The following TNFAIP8L3 variants were observed in gnomAD, a reference collection of about 807,000 sequenced individuals.
The protein encoded by TNFAIP8L3 is tumor necrosis factor alpha-induced protein 8-like protein 3.
In TNFAIP8L3, 7 loss-of-function variants were observed where a neutral mutation model predicts 11.8. That is an observed-to-expected ratio of 0.59 (90% CI 0.34 to 1.11). The LOEUF (loss-of-function observed/expected upper bound fraction) is 1.11, where lower values mean the gene tolerates loss of function less well. TNFAIP8L3 is among the 50% of genes most tolerant of loss of function. TNFAIP8L3 has a pLI of 0.03. For synonymous variants in TNFAIP8L3, 98 were observed against 103.8 expected (o/e 0.94, Z 0.34); for missense variants, 219 against 258.6 (o/e 0.85, Z 1.05).
At chr15:51,099,460 G>A (rs1444959248), upstream of TNFAIP8L3, among the ~76,000 whole-genome samples, 40 of 152,132 alleles carry the variant, frequency 2.6e-4, 1 homozygote, top group Admixed American at 2.6e-3. Flanking sequence ...AGGGAGAAGA[G>A]AAAGAGAGAG....
chr15:51,103,110 G>T (rs1260716444), intron 1 of TNFAIP8L3, among the ~76,000 whole-genome samples: 1 of 151,070 alleles, frequency 6.6e-6, no homozygotes, highest in African/African-American at 2.4e-5. Flanking sequence ...TTTCTTTCCC[G>T]CCAAGTCTTC....
chr15:51,092,440 A>C (rs2065478297), intron 1 of TNFAIP8L3, among the ~76,000 whole-genome samples: 1 of 152,256 alleles, frequency 6.6e-6, no homozygotes, highest in Non-Finnish European at 1.5e-5. Flanking sequence ...GTGAATTAAC[A>C]TCCAGCTTTG....
intron 1 of TNFAIP8L3, among the ~76,000 whole-genome samples, chr15:51,076,757 C>T (rs2065353329): frequency 6.6e-6 from 1 of 152,170 alleles, no homozygotes; most frequent in Admixed American, 6.5e-5. Flanking sequence ...CTGCCCCTGC[C>T]ACCCCCAGCG....
rs150538364 is a variant in TNFAIP8L3 at position 51,081,979 on chromosome 15, T to A, written c.52+12565A>T. ...CTTGCAAATAATAAGAAAAGATGGC[T>A]CCTTCATAAAGGCACTAAATAAGGG... On this transcript the variant is annotated intron_variant, in intron 1 of 1. Transcript: ENST00000637513. Among the ~76,000 whole-genome samples, 69 of 152,174 alleles carry A rather than the reference T, an allele frequency of 4.5e-4. 1 individual carries two copies. Among genetic ancestry groups the A allele is most frequent in the African/African-American group, 1.6e-3 (66 of 41,510 alleles).
intron 1 of TNFAIP8L3, among the ~76,000 whole-genome samples, chr15:51,082,271 G>A (rs149864358): frequency 5.0e-4 from 76 of 152,244 alleles, no homozygotes; most frequent in African/African-American, 1.7e-3. Context: ...AACTTGTACC[G>A]TATGTTACTG....
At chr15:51,063,551 A>G (rs565050668) in intron 1 of TNFAIP8L3, among the ~76,000 whole-genome samples, 8 of 152,306 alleles carry the variant, frequency 5.3e-5, no homozygotes, top group African/African-American at 1.9e-4. Context: ...TGCCACATTT[A>G]CCACCTGTTC....
At chr15:51,075,419 C>G (rs1038474829) in intron 1 of TNFAIP8L3, among the ~76,000 whole-genome samples, 15 of 152,154 alleles carry the variant, frequency 9.9e-5, no homozygotes, top group African/African-American at 3.6e-4. Flanking sequence ...TGGAGCCTCC[C>G]CATTTACGCC....
At chr15:51,095,956 C>T (rs995431099), upstream of TNFAIP8L3, among the ~76,000 whole-genome samples, 1 of 152,166 alleles carries the variant, frequency 6.6e-6, no homozygotes, top group Non-Finnish European at 1.5e-5. Flanking sequence ...TACAATGACC[C>T]AGTGAAGAAT....
intron 1 of TNFAIP8L3, among the ~76,000 whole-genome samples, chr15:51,089,007 T>G (rs1164411481): frequency 6.6e-6 from 1 of 152,218 alleles, no homozygotes; most frequent in Non-Finnish European, 1.5e-5. Flanking sequence ...TGATGAGCCA[T>G]TCTAGCTCCA....
chr15:51,100,391 T>A (rs949053413), intron 1 of TNFAIP8L3, among the ~76,000 whole-genome samples: 10 of 152,106 alleles, frequency 6.6e-5, no homozygotes, highest in African/African-American at 2.4e-4. Context: ...TCTACTTATT[T>A]TTTTTTTTTA....
At chr15:51,067,996 T>A (rs2065282601) in intron 1 of TNFAIP8L3, among the ~76,000 whole-genome samples, 1 of 152,194 alleles carries the variant, frequency 6.6e-6, no homozygotes, top group African/African-American at 2.4e-5. Flanking sequence ...ACTTGAAGAA[T>A]GGATTTCAAA....
At chr15:51,089,096 T>C (rs904221648) in intron 1 of TNFAIP8L3, among the ~76,000 whole-genome samples, 4 of 151,914 alleles carry the variant, frequency 2.6e-5, no homozygotes, top group African/African-American at 7.3e-5. Flanking sequence ...TCCCTTCCCT[T>C]CCCCCTTTTT....
chr15:51,059,601 G>C (rs569222816), intron 1 of TNFAIP8L3, among the ~76,000 whole-genome samples: 1 of 152,234 alleles, frequency 6.6e-6, no homozygotes, highest in East Asian at 1.9e-4. Flanking sequence ...AAGGACAGAG[G>C]CAATGTCTCC....
At chr15:51,065,850 G>C (rs1014725197) in intron 1 of TNFAIP8L3, among the ~76,000 whole-genome samples, 1 of 152,194 alleles carries the variant, frequency 6.6e-6, no homozygotes, top group African/African-American at 2.4e-5. Context: ...TGGCAGGGAA[G>C]AGAATTAGCT....
chr15:51,094,547 C>T lies in TNFAIP8L3; in HGVS notation c.49G>A (p.Ala17Thr). 6.7e-7 allele frequency: 1 copy of T among 1,501,548 alleles called. No homozygotes were observed. The highest frequency in any genetic ancestry group is 8.9e-7 in the Non-Finnish European group (1 of 1,129,860). 93.0% of individuals were successfully genotyped at this position (1,501,548 alleles called of 1,614,324 possible). The change falls in exon 1 of 2, where the codon GCA becomes ACA. Residue 17 changes from alanine to threonine, a missense_variant. Physicochemically the swap from Ala to Thr is moderately conservative, Grantham distance 58. Transcript: ENST00000637513. This position sits in a 1 kb window ranked among gnomAD's most constrained non-coding sequence, Gnocchi z 4.4. ...GGCCGTCGCGGCCCCTAGGTACCTG[C>T]GGCGGTCACGGGCTCGCCCTCGCTC... is the stretch of plus-strand genomic sequence containing the variant. Reference protein sequence around the residue: ...EQSEGEPVTAAGPDVFSSKSL... With the variant: ...EQSEGEPVTATGPDVFSSKSL...
At chr15:51,084,575 G>C (rs1019564370) in intron 1 of TNFAIP8L3, among the ~76,000 whole-genome samples, 1 of 152,172 alleles carries the variant, frequency 6.6e-6, no homozygotes, top group African/African-American at 2.4e-5. Context: ...TTTGCTATGA[G>C]AACATGTGTG....
At chr15:51,069,118 C>G (rs1299446457) in intron 1 of TNFAIP8L3, among the ~76,000 whole-genome samples, 4 of 152,306 alleles carry the variant, frequency 2.6e-5, no homozygotes, top group African/African-American at 7.2e-5. Flanking sequence ...TGCTGATTCA[C>G]CAGTCTTCAC....
rs564682415 is a variant in TNFAIP8L3, at chr15:51,087,902, A to G, written c.52+6642T>C. ...CATTTCTGATATGTAATAAAATAAA[A>G]TTTTTCTAGCATACCTTTATATATA... On this transcript the variant is annotated intron_variant, in intron 1 of 1. Coordinates refer to ENST00000637513, the MANE Select transcript of TNFAIP8L3 (RefSeq NM_001311175.2). Among the ~76,000 whole-genome samples the G allele has an allele frequency of 3.6e-5, 3 of 83,824 alleles. 1 individual carries two copies. The South Asian group carries it at 1.3e-3, about 36-fold the overall frequency. 55.0% of individuals were successfully genotyped at this position (83,824 alleles called of 152,430 possible).
At chr15:51,082,519 C>G (rs1304547587) in intron 1 of TNFAIP8L3, among the ~76,000 whole-genome samples, 1 of 152,120 alleles carries the variant, frequency 6.6e-6, no homozygotes, top group East Asian at 1.9e-4. Context: ...CACTGTACAC[C>G]TAGGCTACAT....
Sources: gnomAD v4.1 joint callset for allele counts (sites outside exome capture counted in the v4.1 genomes callset) on GRCh38, gnomAD v4.1.1 for gene constraint, Gnocchi (gnomAD v3.1) non-coding constraint, MANE v1.5 for transcripts, NCBI Gene and HGNC (gene_info 2026-07-23, HGNC 2026-07-21) for gene names.